RNF139: variants seen among roughly 807,000 people sequenced by gnomAD.
The protein encoded by RNF139 is E3 ubiquitin-protein ligase RNF139.
Under a neutral mutation model 49.5 loss-of-function variants are expected in RNF139, and 15 were observed. The observed-to-expected ratio is 0.30, with a 90% CI of 0.20 to 0.47. The LOEUF (loss-of-function observed/expected upper bound fraction) is 0.47. RNF139 is among the 20% of genes least tolerant of loss of function. RNF139 has a pLI of 1.00. For synonymous variants in RNF139, 325 were observed against 300.9 expected, an observed-to-expected ratio of 1.08 and a Z score of -0.83; for missense variants, 619 against 806.3, an observed-to-expected ratio of 0.77 and a Z score of 2.81.
chr8:124,482,693 G>A lies in RNF139; in HGVS notation c.182-3138G>A, dbSNP rs144121844. On this transcript the variant is annotated intron_variant, in intron 1 of 1. Coordinates refer to ENST00000303545, the MANE Select transcript of RNF139 (RefSeq NM_007218.4). Reference sequence around the variant, plus strand: ...TATAATCGCAGTAGTTTGGGAGGCCGAAGCGGGTGGATCACCTGAGGTCAG... The same window carrying A: ...TATAATCGCAGTAGTTTGGGAGGCCAAAGCGGGTGGATCACCTGAGGTCAG... 2.6e-3 allele frequency among the ~76,000 whole-genome samples: 396 copies of A among 151,604 alleles called. 2 individuals carry two copies. Among genetic ancestry groups the A allele is most frequent in the African/African-American group, 9.2e-3 (380 of 41,322 alleles).
In RNF139 at chr8:124,485,164, G is replaced by C. The variant is rs1231823855; in HGVS notation, c.182-667G>C. ...GGATCACTTGACGTCAGGAGTTAGA[G>C]ACCAGTCTGGCCAACATGGTGAAAC... On this transcript the variant is annotated intron_variant, in intron 1 of 1. Transcript: ENST00000303545. 2.6e-5 allele frequency among the ~76,000 whole-genome samples: 4 copies of C among 152,136 alleles called. No homozygotes were observed. In the East Asian group the frequency reaches 7.7e-4, roughly 29 times the overall value.
intron 1 of RNF139, among the ~76,000 whole-genome samples, chr8:124,479,634 C>G (rs1299251071): frequency 6.6e-6 from 1 of 152,114 alleles, no homozygotes; most frequent in Non-Finnish European, 1.5e-5. Flanking sequence ...CATTAGATGC[C>G]AGTAGCACCT....
Position 124,480,832 on chromosome 8 carries a change from T to G in RNF139, c.182-4999T>G, listed in dbSNP as rs571634023. ...GGGCCCCCAGGCACCAGTCATCTGA[T>G]TATTGTACAAAACAGTCATCACTCC... On this transcript the variant is annotated intron_variant, in intron 1 of 1. Coordinates refer to ENST00000303545, the MANE Select transcript of RNF139 (RefSeq NM_007218.4). Among the ~76,000 whole-genome samples the G allele has an allele frequency of 1.9e-4, 28 of 150,902 alleles. No homozygotes were observed. The South Asian group carries it at 5.8e-3, about 31-fold the overall frequency.
intron 1 of RNF139, among the ~76,000 whole-genome samples, chr8:124,479,432 T>C (rs1237802236): frequency 2.6e-5 from 4 of 152,206 alleles, no homozygotes; most frequent in Non-Finnish European, 5.9e-5. Flanking sequence ...TAGCTATTTT[T>C]GGTGCCGAAA....
At position 124,485,870 on chromosome 8, in the gene RNF139, G is replaced by T. The variant is rs780814940; in HGVS notation, c.221G>T (p.Arg74Leu). ...AGTATTGTTCTGATCTTGTCACAAC[G>T]ATCACTTTTCAAGTTTTACACGTAC... ...ASSIVLILSQ[R>L]SLFKFYTYSS... Residue 74 changes from arginine (R) to leucine (L), a missense_variant, in exon 2 of 2, where the codon CGA (arginine) becomes CTA (leucine). Arg to Leu is a moderately radical substitution (Grantham distance 102). Around this residue, in one of 2 missense-constraint regions of RNF139, gnomAD observed 530 missense variants for 728.9 expected, o/e 0.73. Coordinates refer to ENST00000303545, the MANE Select transcript of RNF139 (RefSeq NM_007218.4). 1.2e-6 allele frequency: 2 copies of T among 1,613,140 alleles called. No individual in the cohort carries two copies. Among genetic ancestry groups the T allele is most frequent in the Non-Finnish European group, 1.7e-6 (2 of 1,179,268 alleles).
At chr8:124,479,629 G>GAT (rs1264101554) in intron 1 of RNF139, among the ~76,000 whole-genome samples, 1 of 152,128 alleles carries the variant, frequency 6.6e-6, no homozygotes, top group Admixed American at 6.5e-5. Flanking sequence ...CTGCCCATTA[G>GAT]ATGCCAGTAG....
chr8:124,480,182 T>G (rs976863707), intron 1 of RNF139, among the ~76,000 whole-genome samples: 2 of 151,614 alleles, frequency 1.3e-5, no homozygotes, highest in East Asian at 1.9e-4. Context: ...CTTACCTAGA[T>G]GTATATGTAA....
At position 124,487,252 on chromosome 8, in the gene RNF139, A is replaced by C. The variant is rs763140663; in HGVS notation, c.1603A>C (p.Ile535Leu). Residue 535 changes from isoleucine to leucine, a missense_variant, in exon 2 of 2, where the codon ATA (isoleucine) becomes CTA (leucine). By Grantham distance (5) the Ile-to-Leu change is conservative. Coordinates refer to ENST00000303545, the MANE Select transcript of RNF139 (RefSeq NM_007218.4). ...AVKKINSLPEIKGSRLQEIND... is the reference protein window; with the variant it reads ...AVKKINSLPELKGSRLQEIND... ...GAAGAAAATTAATTCACTTCCTGAA[A>C]TAAAAGGGAGCCGCTTACAAGAAAT... The C allele has an allele frequency of 6.2e-7, 1 of 1,613,896 alleles. No individual in the cohort carries two copies.
Position 124,475,201 on chromosome 8 carries a change from T to C in RNF139, c.92T>C (p.Leu31Pro), listed in dbSNP as rs1458760585. 1 of 1,613,612 alleles carries C rather than the reference T, an allele frequency of 6.2e-7. No homozygotes were observed. The highest frequency in any genetic ancestry group is 1.3e-5 in the African/African-American group (1 of 75,016). ...GAAGTGGCGCTCCGGGTGCCCTGCC[T>C]TTACATCATCGACGCCATCTTCAAC... ...ALEVALRVPC[L>P]YIIDAIFNSY... is the part of the protein sequence containing the mutation. The change falls in exon 1 of 2, where the codon CTT becomes CCT. Residue 31 changes from leucine (L) to proline (P), a missense_variant. Leu to Pro is a moderately conservative substitution (Grantham distance 98). This residue lies in a region of RNF139 where 89 missense variants were observed against 77.5 expected (regional missense o/e 1.15). Transcript: ENST00000303545.
intron 1 of RNF139, among the ~76,000 whole-genome samples, chr8:124,483,039 A>T (rs1416733310): frequency 2.6e-5 from 2 of 78,374 alleles, no homozygotes; most frequent in Non-Finnish European, 4.4e-5. Flanking sequence ...ATATATATAT[A>T]TTTAAAAATA....
chr8:124,475,046 C>A lies in RNF139; in HGVS notation c.-64C>A. ...CCGCCTTAGCCCCCGCCCCCGGCCG[C>A]GGCCCCGGGCCCTGCCCCGCGCGGC... is the stretch of plus-strand genomic sequence containing the variant. On this transcript the variant is annotated 5_prime_UTR_variant, in exon 1 of 2. Coordinates refer to ENST00000303545, the MANE Select transcript of RNF139 (RefSeq NM_007218.4). The A allele has an allele frequency of 8.6e-7, 1 of 1,168,188 alleles. No homozygotes were observed. The highest frequency in any genetic ancestry group is 1.1e-6 in the Non-Finnish European group (1 of 933,076). The allele number at this position is 1,168,188 out of a possible 1,614,324, so 72.4% of individuals were successfully genotyped here. A position where few individuals can be genotyped will look rare whatever the true frequency, so the allele number is the denominator to read the frequency against.
In RNF139 at chr8:124,488,583, A is replaced by T; in HGVS notation, c.*939A>T. On this transcript the variant is annotated 3_prime_UTR_variant, in exon 2 of 2. Transcript: ENST00000303545. Reference sequence around the variant, plus strand: ...TTACATACATGATGGAAAGTGGAAGACATATACCAATTATATTCCAGGAAA... The same window carrying T: ...TTACATACATGATGGAAAGTGGAAGTCATATACCAATTATATTCCAGGAAA... 1.5e-6 allele frequency: 2 copies of T among 1,316,406 alleles called. No individual in the cohort carries two copies. The highest frequency in any genetic ancestry group is 2.2e-6 in the Non-Finnish European group (2 of 924,468). 81.5% of individuals were successfully genotyped at this position (1,316,406 alleles called of 1,614,324 possible).
At position 124,475,124 on chromosome 8, in the gene RNF139, G is replaced by GC. The variant is rs1563628430; in HGVS notation, c.20dup (p.Gln8AlafsTer97). The GC allele has an allele frequency of 1.9e-6, 3 of 1,595,588 alleles. No individual in the cohort carries two copies. Among genetic ancestry groups the GC allele is most frequent in the Non-Finnish European group, 2.6e-6 (3 of 1,174,426 alleles). ...GGCAGCGGCTCATGGCGGCCGTGGG[G>GC]CCCCCGCAGCAGCAGGTGCGGATGG... On this transcript the variant is annotated frameshift_variant, in exon 1 of 2. Transcript: ENST00000303545. LOFTEE classifies it high-confidence loss of function.
Position 124,486,966 on chromosome 8 carries a change from T to G in RNF139, c.1317T>G (p.Thr439=). Residue 439 remains threonine, a synonymous_variant, in exon 2 of 2, where the codon ACT becomes ACG. Coordinates refer to ENST00000303545, the MANE Select transcript of RNF139 (RefSeq NM_007218.4). Reference sequence around the variant, plus strand: ...GCTTAAAAGTAATTGTTTCTCTCACTGTTTATACGTTATTCATGATTGATG... The same window carrying G: ...GCTTAAAAGTAATTGTTTCTCTCACGGTTTATACGTTATTCATGATTGATG... The part of the protein sequence containing the change: ...ELCLKVIVSL[T]VYTLFMIDGY... 1 of 1,614,098 alleles carries G rather than the reference T, an allele frequency of 6.2e-7. No homozygotes were observed. Among genetic ancestry groups the G allele is most frequent in the Admixed American group, 1.7e-5 (1 of 60,020 alleles).
intron 1 of RNF139, among the ~76,000 whole-genome samples, chr8:124,483,010 A>AT (rs1554601181): frequency 1.9e-4 from 13 of 69,978 alleles, no homozygotes; most frequent in African/African-American, 7.5e-4. Context: ...ATATATTAAA[A>AT]ATATATATAT....
Position 124,486,525 on chromosome 8 carries a change from G to T in RNF139, c.876G>T (p.Leu292=). The T allele has an allele frequency of 6.2e-7, 1 of 1,614,124 alleles. No homozygotes were observed. The highest frequency in any genetic ancestry group is 8.5e-7 in the Non-Finnish European group (1 of 1,180,016). ...ISGCDSTLTV[L]GMSAVISSVA... The stretch of plus-strand genomic sequence containing the variant: ...GGTGCGATTCTACACTAACTGTACT[G>T]GGCATGAGTGCTGTAATTTCCTCAG... The change falls in exon 2 of 2, where the codon CTG becomes CTT. Residue 292 remains leucine, a synonymous_variant. Transcript: ENST00000303545.
rs560183654 is a variant in RNF139 at position 124,488,599 on chromosome 8, T to G, written c.*955T>G. 2 of 1,494,628 alleles carry G rather than the reference T, an allele frequency of 1.3e-6. No individual in the cohort carries two copies. The highest frequency in any genetic ancestry group is 1.9e-6 in the Non-Finnish European group (2 of 1,080,704). 92.6% of individuals were successfully genotyped at this position (1,494,628 alleles called of 1,614,324 possible). A position where few individuals can be genotyped will look rare whatever the true frequency, so the allele number is the denominator to read the frequency against. The stretch of plus-strand genomic sequence containing the variant: ...AAGTGGAAGACATATACCAATTATA[T>G]TCCAGGAAAAAATACTTTAATAGTA... On this transcript the variant is annotated 3_prime_UTR_variant, in exon 2 of 2. Coordinates refer to ENST00000303545, the MANE Select transcript of RNF139 (RefSeq NM_007218.4).
At chr8:124,485,770 TTAG>T in intron 1 of RNF139, 58 bp from the exon 2 acceptor site, 1 of 1,347,790 alleles carries the variant, frequency 7.4e-7, no homozygotes, top group South Asian at 1.4e-5. Flanking sequence ...ATCATAACTC[TTAG>T]TGGGGAAACA....
At chr8:124,477,243 C>G (rs949901033) in intron 1 of RNF139, among the ~76,000 whole-genome samples, 3 of 152,164 alleles carry the variant, frequency 2.0e-5, no homozygotes, top group Admixed American at 2.0e-4. Context: ...TCATCCGACT[C>G]TTCTTACTGT....
Sources: gnomAD v4.1 joint callset for allele counts (sites outside exome capture counted in the v4.1 genomes callset) on GRCh38, gnomAD v4.1.1 for gene constraint, gnomAD v4.1.1 regional missense constraint, MANE v1.5 for transcripts, NCBI Gene and HGNC (gene_info 2026-07-23, HGNC 2026-07-21) for gene names.